PLCD4: variants seen among roughly 807,000 people sequenced by gnomAD.
PLCD4 encodes the protein 1-phosphatidylinositol 4,5-bisphosphate phosphodiesterase delta-4.
In PLCD4, 63 loss-of-function variants were observed where a neutral mutation model predicts 90.2. The ratio of observed to expected loss-of-function variants is 0.70; its 90% confidence interval spans 0.57 to 0.86. The LOEUF (loss-of-function observed/expected upper bound fraction) is 0.86. Among genes scored for constraint, PLCD4 ranks in the 40% least tolerant of loss-of-function variants. PLCD4 has a pLI of 0.00. For missense variants in PLCD4, 830 were observed against 956.3 expected, an observed-to-expected ratio of 0.87 and a Z score of 1.74; for synonymous variants, 294 against 356.5, an observed-to-expected ratio of 0.82 and a Z score of 1.97.
rs200863393 is a variant in PLCD4, at chr2:218,618,803, G to C, written c.406G>C (p.Asp136His). The change falls in exon 4 of 16, where the codon GAC (aspartate) becomes CAC (histidine). Residue 136 changes from aspartate (D) to histidine (H), a missense_variant. Transcript: ENST00000450993. ...VTSMDHQERL[D>H]QWLSDWFQRG... is the part of the protein sequence containing the mutation. ...CAGCATGGACCATCAGGAGCGCCTG[G>C]ACCAGTATCGGCAGGATGGAGTCAG... is the stretch of plus-strand genomic sequence containing the variant. The C allele has an allele frequency of 3.1e-4, 485 of 1,582,998 alleles. No individual in the cohort carries two copies. The highest frequency in any genetic ancestry group is 5.5e-4 in the South Asian group (48 of 86,990).
intron 6 of PLCD4, among the ~76,000 whole-genome samples, chr2:218,626,266 A>G (rs1696115281): frequency 1.3e-5 from 2 of 151,816 alleles, no homozygotes; most frequent in Non-Finnish European, 2.9e-5. Flanking sequence ...CCCAAAAAAA[A>G]AAAAAAAAGG....
intron 1 of PLCD4, among the ~76,000 whole-genome samples, chr2:218,615,330 C>T (rs1019411970): frequency 6.6e-6 from 1 of 152,124 alleles, no homozygotes. Flanking sequence ...GAAAGGATTC[C>T]ACCTGGAAAT....
intron 1 of PLCD4, among the ~76,000 whole-genome samples, chr2:218,613,589 A>G (rs1408040346): frequency 6.6e-6 from 1 of 152,128 alleles, no homozygotes; most frequent in African/African-American, 2.4e-5. Context: ...TTTTTGAGAC[A>G]GTCTTGCTCT....
At chr2:218,631,064 C>T (rs1194646331) in intron 9 of PLCD4, among the ~76,000 whole-genome samples, 1 of 152,066 alleles carries the variant, frequency 6.6e-6, no homozygotes. Flanking sequence ...TGATTTTTTT[C>T]TGGTAGTTCA....
rs780001455 is a variant in PLCD4, at chr2:218,634,736, A to T, written c.1896+106A>T. 7.6e-7 allele frequency: 1 copy of T among 1,320,586 alleles called. No individual in the cohort carries two copies. Among genetic ancestry groups the T allele is most frequent in the Non-Finnish European group, 1.0e-6 (1 of 957,514 alleles). The allele number at this position is 1,320,586 out of a possible 1,614,324, so 81.8% of individuals were successfully genotyped here. Reference sequence around the variant, plus strand: ...AATGTAGAGGCCGGATAGCCTATTAACAGTGTCTAGTTTTAGCTTTTGGAG... The same window carrying T: ...AATGTAGAGGCCGGATAGCCTATTATCAGTGTCTAGTTTTAGCTTTTGGAG... On this transcript the variant is annotated intron_variant, in intron 13 of 15. Transcript: ENST00000450993. This position sits in a 1 kb window ranked among gnomAD's most constrained non-coding sequence, Gnocchi z 4.0.
intron 9 of PLCD4, 138 bp downstream of exon 9, chr2:218,630,940 C>A: frequency 1.1e-6 from 1 of 914,778 alleles, no homozygotes; most frequent in Non-Finnish European, 1.6e-6. Context: ...GTCCTTGGAT[C>A]CTTGGAGACA....
Position 218,629,547 on chromosome 2 carries a change from G to A in PLCD4, c.1003G>A (p.Glu335Lys), listed in dbSNP as rs764632282. 1.9e-6 allele frequency: 3 copies of A among 1,613,818 alleles called. No homozygotes were observed. In the East Asian group the frequency reaches 6.7e-5, roughly 36 times the overall value. ...CCTGAAGCGGGGGTGCCGCTGCGTG[G>A]AGGTGGATGTATGGGATGGACCTAG... ...RALKRGCRCV[E>K]VDVWDGPSGE... The change falls in exon 8 of 16, where the codon GAG becomes AAG. Residue 335 changes from glutamate to lysine, a missense_variant. By Grantham distance (56) the Glu-to-Lys change is moderately conservative (BLOSUM62 1). Transcript: ENST00000450993.
chr2:218,624,794 G>A (rs1414313858), intron 6 of PLCD4, among the ~76,000 whole-genome samples: 2 of 151,240 alleles, frequency 1.3e-5, no homozygotes, highest in East Asian at 2.0e-4. Flanking sequence ...AAATGAAATC[G>A]AAGAGAGTTA....
intron 11 of PLCD4, 27 bp downstream of exon 11, chr2:218,633,788 A>T (rs927874722): frequency 6.2e-7 from 1 of 1,612,462 alleles, no homozygotes; most frequent in South Asian, 1.1e-5. Flanking sequence ...AGGGATGGGG[A>T]GGGAAGTGGG....
chr2:218,636,192 T>C, intron 14 of PLCD4, 51 bp from the exon 15 acceptor site: 1 of 1,571,406 alleles, frequency 6.4e-7, no homozygotes, highest in Non-Finnish European at 8.8e-7. Context: ...AGCAACCCAG[T>C]CAAGAAAACT....
chr2:218,624,946 A>G lies in PLCD4; in HGVS notation c.772+2068A>G, dbSNP rs560670841. Among the ~76,000 whole-genome samples, 12 of 151,668 alleles carry G rather than the reference A, an allele frequency of 7.9e-5. No individual in the cohort carries two copies. In the East Asian group the frequency reaches 2.3e-3, roughly 29 times the overall value. On this transcript the variant is annotated intron_variant, in intron 6 of 15. Transcript: ENST00000450993. ...GCCTACGTGGTGAAACCCCATCTCC[A>G]CTAAAAACACAAAAAATTAGCCGGG...
In PLCD4 at chr2:218,615,983, G is replaced by A; in HGVS notation, c.102G>A (p.Lys34=). The A allele has an allele frequency of 1.2e-6, 2 of 1,614,060 alleles. No homozygotes were observed. The highest frequency in any genetic ancestry group is 2.2e-5 in the South Asian group (2 of 91,086). The part of the protein sequence containing the change: ...MRKVRSKSWK[K]LRYFRLQNDG... ...AGGTGAGGTCCAAAAGCTGGAAGAA[G>A]CTAAGATACTTCAGACTTCAGAATG... The change falls in exon 3 of 16, where the codon AAG becomes AAA. Residue 34 remains lysine, a synonymous_variant. Coordinates refer to ENST00000450993, the MANE Select transcript of PLCD4 (RefSeq NM_032726.4).
intron 4 of PLCD4, among the ~76,000 whole-genome samples, chr2:218,620,831 T>G (rs1575022129): frequency 7.0e-6 from 1 of 142,938 alleles, no homozygotes; most frequent in Non-Finnish European, 1.5e-5. Context: ...GAGATGGCAG[T>G]TGCAGTGAGC....
chr2:218,611,835 G>A (rs1293597190), intron 1 of PLCD4, among the ~76,000 whole-genome samples: 2 of 152,164 alleles, frequency 1.3e-5, no homozygotes, highest in African/African-American at 2.4e-5. Flanking sequence ...CTGACCTCAA[G>A]TGATCCACCT....
At chr2:218,621,920 A>G (rs1260828789) in intron 5 of PLCD4, among the ~76,000 whole-genome samples, 1 of 151,884 alleles carries the variant, frequency 6.6e-6, no homozygotes, top group Non-Finnish European at 1.5e-5. Flanking sequence ...CTCTACTAAA[A>G]CTACAAAAAA....
chr2:218,625,811 G>A (rs1274177995), intron 6 of PLCD4, among the ~76,000 whole-genome samples: 1 of 152,044 alleles, frequency 6.6e-6, no homozygotes, highest in Non-Finnish European at 1.5e-5. Context: ...GCGGGCACCT[G>A]TAATTTGAGC....
intron 11 of PLCD4, 146 bp from the exon 12 acceptor site, chr2:218,633,959 A>G (rs753476324): frequency 2.2e-4 from 282 of 1,258,214 alleles, no homozygotes; most frequent in Non-Finnish European, 2.9e-4. Context: ...GCTGGTCTGG[A>G]TGGACAGAGT....
chr2:218,626,552 A>G (rs986368451), intron 6 of PLCD4, among the ~76,000 whole-genome samples: 26 of 152,194 alleles, frequency 1.7e-4, no homozygotes, highest in African/African-American at 5.5e-4. Flanking sequence ...CATCTACTTC[A>G]TCACGTTACT....
In PLCD4 at chr2:218,636,935, C is replaced by G. The variant is rs1311929219; in HGVS notation, c.*358C>G. ...TGAAGGCAGGTTGCAACTAGAAATT[C>G]AGAGGGGCTTGGAATAGAGAAACCT... On this transcript the variant is annotated 3_prime_UTR_variant, in exon 16 of 16. Transcript: ENST00000450993. 2.2e-6 allele frequency: 1 copy of G among 461,362 alleles called. No homozygotes were observed. Among genetic ancestry groups the G allele is most frequent in the African/African-American group, 2.0e-5 (1 of 50,418 alleles). 28.6% of individuals were successfully genotyped at this position (461,362 alleles called of 1,614,324 possible).
Sources: gnomAD v4.1 joint callset for allele counts (sites outside exome capture counted in the v4.1 genomes callset) on GRCh38, gnomAD v4.1.1 for gene constraint, Gnocchi (gnomAD v3.1) non-coding constraint, MANE v1.5 for transcripts, NCBI Gene and HGNC (gene_info 2026-07-23, HGNC 2026-07-21) for gene names.